The following MCAT variants were observed in gnomAD, a reference collection of about 807,000 sequenced individuals.
The protein encoded by MCAT is malonyl-CoA-acyl carrier protein transacylase, mitochondrial.
Under a neutral mutation model 22.9 loss-of-function variants are expected in MCAT, and 22 were observed. The observed-to-expected ratio is 0.96, with a 90% CI of 0.69 to 1.37. MCAT has a LOEUF of 1.37. Ranked by LOEUF, MCAT falls within the 40% of genes most tolerant of loss-of-function variation. MCAT has a pLI of 0.00. For synonymous variants in MCAT, 240 were observed against 233.9 expected (o/e 1.03, Z -0.24); for missense variants, 534 against 533.6 (o/e 1.00, Z -0.01).
chr22:43,140,900 A>C (rs1930748661), intron 2 of MCAT: 1 of 454,282 alleles, frequency 2.2e-6, no homozygotes, highest in East Asian at 3.3e-5. Context: ...CAGGTGCTGC[A>C]GGTATGAGTG....
rs1007947482 is a variant in MCAT at position 43,132,858 on chromosome 22, T to C, written c.*185A>G. The C allele has an allele frequency of 5.0e-6, 3 of 595,246 alleles. No homozygotes were observed. Among genetic ancestry groups the C allele is most frequent in the South Asian group, 2.1e-5 (1 of 47,200 alleles). 36.9% of individuals were successfully genotyped at this position (595,246 alleles called of 1,614,324 possible). A position where few individuals can be genotyped will look rare whatever the true frequency, so the allele number is the denominator to read the frequency against. On this transcript the variant is annotated 3_prime_UTR_variant, in exon 4 of 4. Transcript: ENST00000290429. ...CAAACGTTTTTCCAAGGGGGAGAAA[T>C]GGACTGGGTCATGTAAAGAAATACT...
intron 2 of MCAT, among the ~76,000 whole-genome samples, chr22:43,138,318 G>A (rs139367936): frequency 1.1e-3 from 160 of 152,342 alleles, no homozygotes; most frequent in Non-Finnish European, 1.7e-3. Flanking sequence ...TAAGTCAAGT[G>A]TTACTGTCCC....
chr22:43,141,497 C>T (rs1444380058), intron 1 of MCAT, among the ~76,000 whole-genome samples: 1 of 152,220 alleles, frequency 6.6e-6, no homozygotes, highest in African/African-American at 2.4e-5. Flanking sequence ...CTGACGCCAA[C>T]CCAGGGCTCT....
At chr22:43,137,932 T>G (rs1930666379) in intron 2 of MCAT, among the ~76,000 whole-genome samples, 2 of 152,062 alleles carry the variant, frequency 1.3e-5, no homozygotes, top group South Asian at 4.1e-4. Flanking sequence ...GTTAGTTTAT[T>G]AAGAGAGATC....
rs1311035325 is a variant in MCAT at position 43,142,613 on chromosome 22, C to G, written c.423+313G>C. Among the ~76,000 whole-genome samples, 4 of 150,916 alleles carry G rather than the reference C, an allele frequency of 2.7e-5. No homozygotes were observed. In the East Asian group the frequency reaches 7.8e-4, roughly 29 times the overall value. Reference sequence around the variant, plus strand: ...CATCCTGACTAACACGATGAAACCCCGTCTCTACTAAAAATACAAAAAATT... The same window carrying G: ...CATCCTGACTAACACGATGAAACCCGGTCTCTACTAAAAATACAAAAAATT... On this transcript the variant is annotated intron_variant, in intron 1 of 3. Transcript: ENST00000290429.
chr22:43,140,228 A>G (rs1436369533), intron 2 of MCAT, among the ~76,000 whole-genome samples: 2 of 152,142 alleles, frequency 1.3e-5, no homozygotes, highest in African/African-American at 4.8e-5. Context: ...CCCATGCCGC[A>G]GTGCAGTGGC....
At chr22:43,134,133 T>C (rs550038050) in intron 3 of MCAT, among the ~76,000 whole-genome samples, 1 of 152,316 alleles carries the variant, frequency 6.6e-6, no homozygotes, top group Non-Finnish European at 1.5e-5. Context: ...TTCCATAATC[T>C]TCAAAATAAA....
At position 43,132,977 on chromosome 22, in the gene MCAT, A is replaced by G; in HGVS notation, c.*66T>C. On this transcript the variant is annotated 3_prime_UTR_variant, in exon 4 of 4. Coordinates refer to ENST00000290429, the MANE Select transcript of MCAT (RefSeq NM_173467.5). ...GGAGCCATTAGGAAGGTAGGGGGCG[A>G]CAGGCACAGCCTACAGCCTCTCCTC... 6.8e-7 allele frequency: 1 copy of G among 1,478,192 alleles called. No individual in the cohort carries two copies. Among genetic ancestry groups the G allele is most frequent in the Non-Finnish European group, 9.2e-7 (1 of 1,082,862 alleles). 91.6% of individuals were successfully genotyped at this position (1,478,192 alleles called of 1,614,324 possible).
intron 3 of MCAT, among the ~76,000 whole-genome samples, chr22:43,134,969 G>A (rs975931111): frequency 1.9e-4 from 29 of 152,204 alleles, no homozygotes; most frequent in African/African-American, 6.8e-4. Context: ...AGTGCTTTCC[G>A]TGTAAGATCT....
intron 3 of MCAT, among the ~76,000 whole-genome samples, chr22:43,134,557 C>T (rs1930550139): frequency 6.6e-6 from 1 of 152,198 alleles, no homozygotes; most frequent in Non-Finnish European, 1.5e-5. Flanking sequence ...TCAGGCTGGT[C>T]TTGAACTCCT....
Position 43,136,471 on chromosome 22 carries a change from G to A in MCAT, c.729+610C>T, listed in dbSNP as rs147916085. On this transcript the variant is annotated intron_variant, in intron 3 of 3. Transcript: ENST00000290429. Reference sequence around the variant, plus strand: ...GCCCCCTGCTGGCAAACACATGCCCGTCCTCCAGCTGCTGCCTCCTGGGTT... The same window carrying A: ...GCCCCCTGCTGGCAAACACATGCCCATCCTCCAGCTGCTGCCTCCTGGGTT... Among the ~76,000 whole-genome samples the A allele has an allele frequency of 1.5e-3, 222 of 152,308 alleles. 1 individual carries two copies. The highest frequency in any genetic ancestry group is 0.012 in the South Asian group (60 of 4,832).
In MCAT at chr22:43,143,397, G is replaced by T; in HGVS notation, c.-49C>A. The T allele has an allele frequency of 7.8e-7, 1 of 1,289,294 alleles. No homozygotes were observed. The highest frequency in any genetic ancestry group is 1.0e-6 in the Non-Finnish European group (1 of 1,004,934). The allele number at this position is 1,289,294 out of a possible 1,614,324, so 79.9% of individuals were successfully genotyped here. On this transcript the variant is annotated 5_prime_UTR_variant, in exon 1 of 4. Transcript: ENST00000290429. ...TTACCGTGGCGACCGAGGCCCGACT[G>T]CGGCGGCGCGGCGCAGCGTGGTCCC...
chr22:43,135,653 C>CT (rs1302760908), intron 3 of MCAT, among the ~76,000 whole-genome samples: 1 of 152,140 alleles, frequency 6.6e-6, no homozygotes, highest in African/African-American at 2.4e-5. Flanking sequence ...CCTTCCAAGG[C>CT]TGGTAAAGGG....
chr22:43,141,394 A>G lies in MCAT; in HGVS notation c.424-145T>C, dbSNP rs1930764957. 3 of 672,158 alleles carry G rather than the reference A, an allele frequency of 4.5e-6. No homozygotes were observed. The East Asian group carries it at 7.6e-5, about 17-fold the overall frequency. The allele number at this position is 672,158 out of a possible 1,614,324, so 41.6% of individuals were successfully genotyped here. On this transcript the variant is annotated intron_variant, in intron 1 of 3. Transcript: ENST00000290429. ...GTGCACCAGCTGGAAGAGGACACAC[A>G]AAAGTGACCTTGACAATCATTGAGT...
At chr22:43,141,364 AC>A (rs1930763834) in intron 1 of MCAT, 115 bp from the exon 2 acceptor site, 1 of 807,564 alleles carries the variant, frequency 1.2e-6, no homozygotes, top group African/African-American at 1.7e-5. Context: ...GGTTCTACGA[AC>A]TTGGTGCACC....
chr22:43,139,787 A>G (rs1930718340), intron 2 of MCAT, among the ~76,000 whole-genome samples: 1 of 152,104 alleles, frequency 6.6e-6, no homozygotes, highest in African/African-American at 2.4e-5. Flanking sequence ...CACGTTGGTC[A>G]GGCTGGTCTC....
In MCAT at chr22:43,133,495, G is replaced by A. The variant is rs1409609240; in HGVS notation, c.730-9C>T. ...TGGAGAAACCGTAGAGCCTGGGGAA[G>A]GAAGGAGGTTTCAGCCGAGCAATGT... On this transcript the variant is annotated splice_polypyrimidine_tract_variant and intron_variant, in intron 3 of 3. Transcript: ENST00000290429. 6.3e-7 allele frequency: 1 copy of A among 1,596,690 alleles called. No homozygotes were observed. The highest frequency in any genetic ancestry group is 8.5e-7 in the Non-Finnish European group (1 of 1,171,202).
intron 3 of MCAT, among the ~76,000 whole-genome samples, chr22:43,134,276 C>T (rs547587518): frequency 6.6e-6 from 1 of 152,312 alleles, no homozygotes; most frequent in East Asian, 1.9e-4. Context: ...GGCATTTGAG[C>T]TCAGAAGGGG....
intron 1 of MCAT, 95 bp from the exon 2 acceptor site, chr22:43,141,344 C>G: frequency 2.0e-6 from 2 of 1,024,862 alleles, no homozygotes; most frequent in Non-Finnish European, 3.0e-6. Flanking sequence ...TTCAGCATCT[C>G]AGTGAGCCAG....
Sources: gnomAD v4.1 joint callset for allele counts (sites outside exome capture counted in the v4.1 genomes callset) on GRCh38, gnomAD v4.1.1 for gene constraint, MANE v1.5 for transcripts, NCBI Gene and HGNC (gene_info 2026-07-23, HGNC 2026-07-21) for gene names.